Variants in SDK1 observed in about 807,000 individuals in gnomAD.
SDK1 encodes sidekick cell adhesion molecule 1.
SDK1 carries 157 observed loss-of-function variants against 245.5 expected under a neutral mutation model. The observed-to-expected ratio is 0.64, with a 90% CI of 0.56 to 0.73. The LOEUF is 0.73. Among genes scored for constraint, SDK1 ranks in the 30% least tolerant of loss-of-function variants. The pLI is 0.00. For synonymous variants in SDK1, 1,647 were observed against 1,278.5 expected, an observed-to-expected ratio of 1.29 and a Z score of -6.15; for missense variants, 3,583 against 3,002.3, an observed-to-expected ratio of 1.19 and a Z score of -4.52.
At chr7:3,761,707 T>C (rs1458089589) in intron 4 of SDK1, among the ~76,000 whole-genome samples, 1 of 151,718 alleles carries the variant, frequency 6.6e-6, no homozygotes, top group East Asian at 1.9e-4. Context: ...ACAAGTTTGA[T>C]TAGAGAAAAT....
At chr7:3,655,191 T>A (rs1783124151) in intron 4 of SDK1, among the ~76,000 whole-genome samples, 1 of 151,516 alleles carries the variant, frequency 6.6e-6, no homozygotes, top group Admixed American at 6.6e-5. Flanking sequence ...CCCAGCACTT[T>A]GGGAGGCTGA....
chr7:3,683,002 G>A (rs761627962), intron 4 of SDK1, among the ~76,000 whole-genome samples: 66 of 152,272 alleles, frequency 4.3e-4, no homozygotes, highest in Admixed American at 1.9e-3. Context: ...CCAAAGTGTT[G>A]TGATCACAAG....
chr7:3,693,001 G>T (rs1007902179), intron 4 of SDK1, among the ~76,000 whole-genome samples: 1 of 151,878 alleles, frequency 6.6e-6, no homozygotes, highest in African/African-American at 2.4e-5. Context: ...CCAGTTTTCT[G>T]TTGAGATGAT....
chr7:4,181,197 T>C (rs115865005), intron 35 of SDK1, among the ~76,000 whole-genome samples: 307 of 152,358 alleles, frequency 2.0e-3, no homozygotes, highest in African/African-American at 7.0e-3. Flanking sequence ...CGTGCAGTGC[T>C]TGTCTTCCTG....
At chr7:4,073,252 T>C (rs555966325) in intron 20 of SDK1, among the ~76,000 whole-genome samples, 1 of 152,090 alleles carries the variant, frequency 6.6e-6, no homozygotes, top group Non-Finnish European at 1.5e-5. Flanking sequence ...CCCCAAAAGC[T>C]GTTGTTCATA....
chr7:3,928,954 A>C (rs752105385), intron 5 of SDK1, among the ~76,000 whole-genome samples: 21 of 152,224 alleles, frequency 1.4e-4, no homozygotes, highest in Non-Finnish European at 2.8e-4. Flanking sequence ...CCCTGGGCTT[A>C]TTTTAAGAAC....
At chr7:3,879,118 G>A (rs1178153463) in intron 5 of SDK1, among the ~76,000 whole-genome samples, 2 of 152,110 alleles carry the variant, frequency 1.3e-5, no homozygotes, top group African/African-American at 4.8e-5. Flanking sequence ...GGGACAATCT[G>A]TAATATTCTG....
intron 5 of SDK1, among the ~76,000 whole-genome samples, chr7:3,914,908 A>T (rs1445194007): frequency 1.3e-5 from 2 of 152,200 alleles, no homozygotes; most frequent in Admixed American, 6.5e-5. Flanking sequence ...AGTGTGTTTG[A>T]TGTGTCTTAA....
chr7:3,364,555 T>G (rs1473048256), intron 1 of SDK1, among the ~76,000 whole-genome samples: 1 of 152,176 alleles, frequency 6.6e-6, no homozygotes, highest in Non-Finnish European at 1.5e-5. Context: ...TCCATTGAAT[T>G]TTTTTTGCAC....
intron 44 of SDK1, among the ~76,000 whole-genome samples, chr7:4,248,545 AAC>A (rs1267246002): frequency 6.6e-6 from 1 of 151,076 alleles, no homozygotes; most frequent in Admixed American, 6.6e-5. Flanking sequence ...CACACATGCA[AAC>A]ACATACATAT....
At chr7:3,646,206 G>A (rs1292982870) in intron 4 of SDK1, among the ~76,000 whole-genome samples, 3 of 151,992 alleles carry the variant, frequency 2.0e-5, no homozygotes, top group South Asian at 2.1e-4. Flanking sequence ...TCCCTAATAC[G>A]TGCACCTTTG....
intron 4 of SDK1, among the ~76,000 whole-genome samples, chr7:3,722,754 C>G (rs78907295): frequency 1.3e-5 from 2 of 152,174 alleles, no homozygotes; most frequent in East Asian, 1.9e-4. Context: ...GGGACTCGCG[C>G]GGGTGGCTCA....
At chr7:3,765,619 C>G (rs919798082) in intron 4 of SDK1, among the ~76,000 whole-genome samples, 1 of 152,166 alleles carries the variant, frequency 6.6e-6, no homozygotes, top group African/African-American at 2.4e-5. Flanking sequence ...TTTCTACATC[C>G]AGACATACTC....
At chr7:3,603,322 T>C (rs1317051692) in intron 1 of SDK1, among the ~76,000 whole-genome samples, 1 of 149,850 alleles carries the variant, frequency 6.7e-6, no homozygotes, top group Non-Finnish European at 1.5e-5. Context: ...GAGCATGGAA[T>C]GTTCTTCCAT....
chr7:3,938,757 A>G (rs542133155), intron 5 of SDK1, among the ~76,000 whole-genome samples: 9 of 152,270 alleles, frequency 5.9e-5, no homozygotes, highest in Admixed American at 1.3e-4. Context: ...TGCAGGTCCA[A>G]TCACGCACCT....
intron 17 of SDK1, among the ~76,000 whole-genome samples, chr7:4,018,406 T>A (rs1404757219): frequency 6.6e-6 from 1 of 152,182 alleles, no homozygotes; most frequent in Non-Finnish European, 1.5e-5. Flanking sequence ...CTTTATAAAT[T>A]AAGTGCAGTC....
intron 40 of SDK1, among the ~76,000 whole-genome samples, chr7:4,228,867 C>G (rs940844005): frequency 6.6e-6 from 1 of 152,104 alleles, no homozygotes. Flanking sequence ...CAACACAGCT[C>G]GTTCACTGGG....
At chr7:3,333,348 A>C (rs1435657883) in intron 1 of SDK1, among the ~76,000 whole-genome samples, 1 of 152,098 alleles carries the variant, frequency 6.6e-6, no homozygotes, top group Non-Finnish European at 1.5e-5. Context: ...GTATGAAAGG[A>C]GTGTGCCATT....
At chr7:4,213,800 T>G (rs547910272) in intron 38 of SDK1, among the ~76,000 whole-genome samples, 1 of 152,318 alleles carries the variant, frequency 6.6e-6, no homozygotes, top group South Asian at 2.1e-4. Context: ...GTTTTCAGTG[T>G]TGCCGTTTCT....
Sources: gnomAD v4.1 joint callset for allele counts (sites outside exome capture counted in the v4.1 genomes callset) on GRCh38, gnomAD v4.1.1 for gene constraint, MANE v1.5 for transcripts, NCBI Gene and HGNC (gene_info 2026-07-23, HGNC 2026-07-21) for gene names.